Variants in SPG11 observed in about 807,000 individuals in gnomAD.
SPG11 encodes the protein spatacsin.
Under a neutral mutation model 274.0 loss-of-function variants are expected in SPG11, and 222 were observed. That is an observed-to-expected ratio of 0.81 (90% confidence interval 0.73 to 0.91). The LOEUF is 0.91. SPG11 is among the 40% of genes least tolerant of loss of function. The probability of loss-of-function intolerance (pLI) is 0.00; values close to 1 mark genes in which losing one functional copy is unlikely to be tolerated. For missense variants in SPG11, 3,114 were observed against 2,872.7 expected (o/e 1.08, Z -1.92); for synonymous variants, 1,144 against 1,039.7 (o/e 1.10, Z -1.93).
In SPG11 at chr15:44,566,025, G is replaced by A; in HGVS notation, c.6844-16C>T. 1.2e-6 allele frequency: 2 copies of A among 1,613,288 alleles called. No individual in the cohort carries two copies. Among genetic ancestry groups the A allele is most frequent in the African/African-American group, 1.3e-5 (1 of 75,010 alleles). The stretch of plus-strand genomic sequence containing the variant: ...CACAGGAGTCCTGAGGAACAAGGGT[G>A]GAGAGGCACAGTAGAGAAAGACCTA... On this transcript the variant is annotated splice_polypyrimidine_tract_variant and intron_variant, in intron 37 of 39. Transcript: ENST00000261866.
intron 10 of SPG11, among the ~76,000 whole-genome samples, 184 bp downstream of exon 10, chr15:44,628,485 T>TAA (rs1319189808): frequency 1.3e-5 from 2 of 152,192 alleles, no homozygotes; most frequent in Non-Finnish European, 2.9e-5. Flanking sequence ...GCGAATTAAA[T>TAA]AAATGGAGCT....
intron 6 of SPG11, among the ~76,000 whole-genome samples, chr15:44,651,037 C>T (rs530966471): frequency 2.8e-4 from 43 of 152,228 alleles, no homozygotes; most frequent in Admixed American, 2.2e-3. Flanking sequence ...CGTGAGCCAC[C>T]GCACCCGGCA....
chr15:44,604,552 A>G (rs2083271575), intron 20 of SPG11, among the ~76,000 whole-genome samples: 1 of 152,224 alleles, frequency 6.6e-6, no homozygotes, highest in Non-Finnish European at 1.5e-5. Context: ...GTCACCACAC[A>G]GTGTTCTTAC....
Position 44,598,831 on chromosome 15 carries a change from T to C in SPG11, c.3692A>G (p.Gln1231Arg), listed in dbSNP as rs374647717. Residue 1231 changes from glutamine (Q) to arginine (R), a missense_variant, in exon 22 of 40, where the codon CAG becomes CGG. By Grantham distance (43) the Gln-to-Arg change is conservative. Coordinates refer to ENST00000261866, the MANE Select transcript of SPG11 (RefSeq NM_025137.4). ...AACATAGGCTTCATTGCCTACTTGC[T>C]GGATCCTGAAAAAGAAAGGAATCAA... ...IKSKTPKQLI[Q>R]QVGNEAYVIG... 6 of 1,613,992 alleles carry C rather than the reference T, an allele frequency of 3.7e-6. No homozygotes were observed. Among genetic ancestry groups the C allele is most frequent in the Non-Finnish European group, 5.1e-6 (6 of 1,179,974 alleles).
At chr15:44,593,514 G>C (rs1241367866) in intron 26 of SPG11, among the ~76,000 whole-genome samples, 2 of 152,076 alleles carry the variant, frequency 1.3e-5, no homozygotes, top group Non-Finnish European at 2.9e-5. Context: ...ACACACACCT[G>C]GATAATCTGC....
rs766552088 is a variant in SPG11 at position 44,563,140 on chromosome 15, T to C, written c.7313A>G (p.Lys2438Arg). 3 of 1,614,160 alleles carry C rather than the reference T, an allele frequency of 1.9e-6. No homozygotes were observed. Among genetic ancestry groups the C allele is most frequent in the Admixed American group, 3.3e-5 (2 of 60,028 alleles). The change falls in exon 40 of 40, where the codon AAG becomes AGG. Residue 2438 changes from lysine (K) to arginine (R), a missense_variant. Transcript: ENST00000261866. ...LKDPQTGCCL[K>R]DMLAG is the part of the protein sequence containing the mutation. ...AATCATCTAACCTGCTAGCATGTCCTTTAGACAGCAACCTGTCTGAGGGTC... is the reference window on the plus strand; with the variant it reads ...AATCATCTAACCTGCTAGCATGTCCCTTAGACAGCAACCTGTCTGAGGGTC...
intron 26 of SPG11, 126 bp downstream of exon 26, chr15:44,595,133 A>G (rs1226195445): frequency 1.0e-6 from 1 of 954,906 alleles, no homozygotes; most frequent in Non-Finnish European, 1.6e-6. Context: ...TGGTACTTCT[A>G]ATATTATCAT....
chr15:44,571,211 TCTGGGC>T (rs2082416353), intron 33 of SPG11, among the ~76,000 whole-genome samples: 2 of 152,226 alleles, frequency 1.3e-5, no homozygotes, highest in African/African-American at 2.4e-5. Context: ...TGCTGTAGCC[TCTGGGC>T]TTTTGCATCT....
intron 4 of SPG11, 55 bp downstream of exon 4, chr15:44,657,040 C>T: frequency 6.7e-7 from 1 of 1,482,096 alleles, no homozygotes; most frequent in Non-Finnish European, 9.3e-7. Context: ...ATATTTTTAA[C>T]CTCTTATCAG....
rs1465373458 is a variant in SPG11 at position 44,621,894 on chromosome 15, C to T, written c.2485G>A (p.Val829Ile). 2 of 1,613,592 alleles carry T rather than the reference C, an allele frequency of 1.2e-6. No homozygotes were observed. The highest frequency in any genetic ancestry group is 1.7e-6 in the Non-Finnish European group (2 of 1,179,842). The change falls in exon 14 of 40, where the codon GTT becomes ATT. Residue 829 changes from valine (V) to isoleucine (I), a missense_variant. By Grantham distance (29) the Val-to-Ile change is conservative. Coordinates refer to ENST00000261866, the MANE Select transcript of SPG11 (RefSeq NM_025137.4). ...KEQDFFKHKS[V>I]LDSFLKYDCK... ...TCATATTTCAGGAATGAGTCCAAAA[C>T]AGACTTGTGCTTGAAAAAATCTTGT...
rs375896392 is a variant in SPG11 at position 44,574,942 on chromosome 15, T to C, written c.5966A>G (p.Asn1989Ser). The C allele has an allele frequency of 1.3e-4, 217 of 1,614,028 alleles. No individual in the cohort carries two copies. Among genetic ancestry groups the C allele is most frequent in the Non-Finnish European group, 1.7e-4 (202 of 1,180,042 alleles). The change falls in exon 31 of 40, where the codon AAC becomes AGC. Residue 1989 changes from asparagine to serine, a missense_variant. Coordinates refer to ENST00000261866, the MANE Select transcript of SPG11 (RefSeq NM_025137.4). Reference sequence around the variant, plus strand: ...CAGACAGAGGACCTGTCGACAGTAGTTCTTCCCATGGAGGCATTTGCTTGT... The same window carrying C: ...CAGACAGAGGACCTGTCGACAGTAGCTCTTCCCATGGAGGCATTTGCTTGT... ...VLTSKCLHGK[N>S]YCRQVLCLYD...
intron 26 of SPG11, 78 bp downstream of exon 26, chr15:44,595,181 G>T: frequency 7.0e-7 from 1 of 1,427,170 alleles, no homozygotes; most frequent in African/African-American, 1.4e-5. Context: ...TCCAGGGATG[G>T]AAATAAGAAA....
At chr15:44,604,299 C>T in intron 20 of SPG11, 1 of 313,212 alleles carries the variant, frequency 3.2e-6, no homozygotes, top group South Asian at 2.5e-5. Flanking sequence ...AAAACTGTCA[C>T]ATGCCCTATT....
Position 44,573,699 on chromosome 15 carries a change from G to A in SPG11, c.6053C>T (p.Ala2018Val). 6.2e-7 allele frequency: 1 copy of A among 1,614,202 alleles called. No individual in the cohort carries two copies. Among genetic ancestry groups the A allele is most frequent in the Non-Finnish European group, 8.5e-7 (1 of 1,180,038 alleles). ...AGAGGCCAAGATTTTCCGGAGCATG[G>A]CTTCACCATCCTGAGCAGCAACATC... ...YTDVAAQDGEAMLRKILASQQ... is the reference protein window; with the variant it reads ...YTDVAAQDGEVMLRKILASQQ... The change falls in exon 32 of 40, where the codon GCC becomes GTC. Residue 2018 changes from alanine to valine, a missense_variant. Ala to Val is a moderately conservative substitution (Grantham distance 64). Coordinates refer to ENST00000261866, the MANE Select transcript of SPG11 (RefSeq NM_025137.4).
At chr15:44,649,399 T>C (rs780036371) in intron 6 of SPG11, among the ~76,000 whole-genome samples, 4 of 152,094 alleles carry the variant, frequency 2.6e-5, no homozygotes, top group African/African-American at 4.8e-5. Flanking sequence ...TTTAAAAAAA[T>C]TTTTAAATTG....
At chr15:44,623,103 C>T (rs2083799647) in intron 11 of SPG11, among the ~76,000 whole-genome samples, 1 of 152,156 alleles carries the variant, frequency 6.6e-6, no homozygotes, top group Non-Finnish European at 1.5e-5. Flanking sequence ...TGTGCATCAC[C>T]ATGCCTGGCT....
chr15:44,638,408 C>A (rs1259500606), intron 7 of SPG11, among the ~76,000 whole-genome samples: 1 of 151,846 alleles, frequency 6.6e-6, no homozygotes, highest in African/African-American at 2.4e-5. Context: ...TACGGTGAGC[C>A]AAGATCGTGC....
intron 34 of SPG11, 21 bp downstream of exon 34, chr15:44,570,504 G>C: frequency 6.2e-7 from 1 of 1,613,978 alleles, no homozygotes; most frequent in Non-Finnish European, 8.5e-7. Context: ...GATGGAGACT[G>C]GGGTTGAGGG....
chr15:44,610,579 C>T lies in SPG11; in HGVS notation c.3291+261G>A, dbSNP rs12324194. On this transcript the variant is annotated intron_variant, in intron 18 of 39. Transcript: ENST00000261866. The stretch of plus-strand genomic sequence containing the variant: ...TTTTAGTACAGATGGTGTTTCACCA[C>T]GTTGGCCAGGCTGGTCTCGAACTCC... 0.1 allele frequency among the ~76,000 whole-genome samples: 15,345 copies of T among 149,372 alleles called. 1,964 individuals are homozygous for T. Among genetic ancestry groups the T allele is most frequent in the African/African-American group, 0.29 (11,861 of 40,800 alleles).
Sources: allele counts gnomAD v4.1 joint callset (sites outside exome capture counted in the v4.1 genomes callset), GRCh38; gene constraint gnomAD v4.1.1; transcripts MANE v1.5; gene names NCBI Gene and HGNC (gene_info 2026-07-23, HGNC 2026-07-21).